Variants in VPS13C observed in about 807,000 individuals in gnomAD.
The protein encoded by VPS13C is intermembrane lipid transfer protein VPS13C.
VPS13C carries 358 observed loss-of-function variants against 456.8 expected under a neutral mutation model. The observed-to-expected ratio is 0.78, with a 90% CI of 0.72 to 0.86. VPS13C has a LOEUF of 0.86. Among genes scored for constraint, VPS13C ranks in the 40% least tolerant of loss-of-function variants. The probability of loss-of-function intolerance (pLI) is 0.00; values close to 1 mark genes in which losing one functional copy is unlikely to be tolerated. For missense variants in VPS13C, 4,818 were observed against 4,385.4 expected, an observed-to-expected ratio of 1.10 and a Z score of -2.79; for synonymous variants, 1,578 against 1,486.7, an observed-to-expected ratio of 1.06 and a Z score of -1.41.
intron 14 of VPS13C, among the ~76,000 whole-genome samples, 161 bp from the exon 15 acceptor site, chr15:62,007,640 T>C (rs1193130428): frequency 6.6e-6 from 1 of 152,184 alleles, no homozygotes; most frequent in Non-Finnish European, 1.5e-5. Flanking sequence ...CTGACTTAAA[T>C]AGACTTAGAT....
chr15:61,887,023 C>T (rs184817689), intron 67 of VPS13C, among the ~76,000 whole-genome samples: 1 of 152,236 alleles, frequency 6.6e-6, no homozygotes, highest in African/African-American at 2.4e-5. Context: ...CACTCTCAAC[C>T]ATTCCCACCT....
chr15:61,866,812 T>C (rs1894628237), intron 81 of VPS13C: 1 of 978,308 alleles, frequency 1.0e-6, no homozygotes, highest in African/African-American at 1.7e-5. Context: ...ATTATTTTGA[T>C]AACTGCAATC....
chr15:61,914,898 A>C (rs920617940), intron 61 of VPS13C, among the ~76,000 whole-genome samples: 4 of 146,906 alleles, frequency 2.7e-5, no homozygotes, highest in Non-Finnish European at 4.6e-5. Context: ...AAAAAAAAAA[A>C]AAAAAAAAAA....
At chr15:62,057,566 T>C (rs1026134935) in intron 1 of VPS13C, among the ~76,000 whole-genome samples, 1 of 152,160 alleles carries the variant, frequency 6.6e-6, no homozygotes, top group South Asian at 2.1e-4. Flanking sequence ...AGAGGCAGAG[T>C]TGTGAGCTGA....
chr15:61,926,288 T>C (rs2043846628), intron 52 of VPS13C, among the ~76,000 whole-genome samples: 1 of 152,178 alleles, frequency 6.6e-6, no homozygotes, highest in South Asian at 2.1e-4. Context: ...TAGTCCTAGC[T>C]ACTCAGGAGG....
Position 62,010,515 on chromosome 15 carries a change from T to C in VPS13C, c.968A>G (p.Asn323Ser). The C allele has an allele frequency of 1.2e-6, 2 of 1,613,492 alleles. No homozygotes were observed. Among genetic ancestry groups the C allele is most frequent in the South Asian group, 1.1e-5 (1 of 91,016 alleles). ...SELKTPKLDC[N>S]IEIQNIAIEL... Reference sequence around the variant, plus strand: ...AATGGCAATATTTTGTATTTCTATGTTGCAATCCAGTTTGGGCGTTTTGAG... The same window carrying C: ...AATGGCAATATTTTGTATTTCTATGCTGCAATCCAGTTTGGGCGTTTTGAG... Residue 323 changes from asparagine to serine, a missense_variant, in exon 13 of 85, where the codon AAC becomes AGC. Physicochemically the swap from Asn to Ser is conservative, Grantham distance 46. Transcript: ENST00000644861.
At chr15:61,921,875 T>C (rs2043667631) in intron 55 of VPS13C, 72 bp downstream of exon 55, 4 of 1,486,048 alleles carry the variant, frequency 2.7e-6, no homozygotes, top group Non-Finnish European at 3.7e-6. Flanking sequence ...ATCTTAAGAA[T>C]CACTGAAATA....
At position 61,927,156 on chromosome 15, in the gene VPS13C, C is replaced by T. The variant is rs796096256; in HGVS notation, c.6451G>A (p.Val2151Met). 9.3e-6 allele frequency: 15 copies of T among 1,614,074 alleles called. No individual in the cohort carries two copies. Among genetic ancestry groups the T allele is most frequent in the African/African-American group, 4.0e-5 (3 of 74,922 alleles). The change falls in exon 52 of 85, where the codon GTG (valine) becomes ATG (methionine). Residue 2151 changes from valine to methionine, a missense_variant. By Grantham distance (21) the Val-to-Met change is conservative. Transcript: ENST00000644861. ...CAAGCGAGCACTTTCAGATCTCTCA[C>T]AGAAGCTTCCATCATCTGTTCGAGT... is the stretch of plus-strand genomic sequence containing the variant. ...SKLEQMMEAS[V>M]RDLKVLACPF...
Position 61,890,358 on chromosome 15 carries a change from G to GT in VPS13C, c.9147dup (p.His3050ThrfsTer18). 1 of 1,614,004 alleles carries GT rather than the reference G, an allele frequency of 6.2e-7. No homozygotes were observed. The highest frequency in any genetic ancestry group is 8.5e-7 in the Non-Finnish European group (1 of 1,180,018). ...CGCCCATCCAGAAATGATACCCAGT[G>GT]TATCTGGATGTTTGCATCATATGGA... is the stretch of plus-strand genomic sequence containing the variant. On this transcript the variant is annotated frameshift_variant, in exon 67 of 85. Transcript: ENST00000644861. LOFTEE classifies it high-confidence loss of function.
intron 82 of VPS13C, among the ~76,000 whole-genome samples, chr15:61,860,930 A>C (rs931446314): frequency 6.9e-6 from 1 of 145,624 alleles, no homozygotes; most frequent in African/African-American, 2.5e-5. Context: ...ACTAGAACGC[A>C]TGTATGGTTA....
At chr15:61,995,596 T>C (rs1011399324) in intron 16 of VPS13C, among the ~76,000 whole-genome samples, 3 of 152,198 alleles carry the variant, frequency 2.0e-5, no homozygotes, top group Non-Finnish European at 2.9e-5. Context: ...TGGTTGTCTA[T>C]GTTGGGAAGC....
chr15:61,900,955 G>T (rs899694539), intron 66 of VPS13C, among the ~76,000 whole-genome samples: 10 of 151,962 alleles, frequency 6.6e-5, no homozygotes, highest in South Asian at 2.1e-4. Flanking sequence ...AAATAACGCC[G>T]CATTTCTACA....
In VPS13C at chr15:61,933,753, T is replaced by TA. The variant is rs1160673591; in HGVS notation, c.5868+465dup. On this transcript the variant is annotated intron_variant, in intron 49 of 84. Transcript: ENST00000644861. ...TTCTTTAATTAGTATCCTTAATACA[T>TA]AATCTACTACATATAACATTTATTC... 9.2e-5 allele frequency among the ~76,000 whole-genome samples: 14 copies of TA among 152,172 alleles called. No individual in the cohort carries two copies. In the South Asian group the frequency reaches 1.4e-3, roughly 16 times the overall value.
intron 18 of VPS13C, among the ~76,000 whole-genome samples, chr15:61,986,890 T>C (rs939151022): frequency 6.6e-6 from 1 of 151,958 alleles, no homozygotes; most frequent in African/African-American, 2.4e-5. Context: ...AAAAGTATCC[T>C]TCAAGAAATA....
chr15:61,868,893 C>T (rs1894792839), intron 80 of VPS13C, 120 bp from the exon 81 acceptor site: 5 of 822,222 alleles, frequency 6.1e-6, no homozygotes, highest in Non-Finnish European at 9.3e-6. Context: ...AATAGCTTTC[C>T]CCAAATAATG....
Position 61,880,837 on chromosome 15 carries a change from T to G in VPS13C, c.9888+6A>C. On this transcript the variant is annotated splice_donor_region_variant and intron_variant, in intron 72 of 84. Coordinates refer to ENST00000644861, the MANE Select transcript of VPS13C (RefSeq NM_020821.3). ...TATATTTTCCCCAAGAAATAAAAAT[T>G]TTTACCCGTCTTCTTTCAGCTTCAG... 2.5e-6 allele frequency: 4 copies of G among 1,582,306 alleles called. No individual in the cohort carries two copies. Among genetic ancestry groups the G allele is most frequent in the Non-Finnish European group, 3.4e-6 (4 of 1,171,116 alleles).
chr15:61,856,645 G>A (rs1026481347), intron 82 of VPS13C: 18 of 308,424 alleles, frequency 5.8e-5, no homozygotes, highest in Non-Finnish European at 3.5e-5. Context: ...TGTCAATCTT[G>A]CAGAATTCAG....
chr15:61,917,343 C>G lies in VPS13C; in HGVS notation c.8053G>C (p.Glu2685Gln). The G allele has an allele frequency of 6.2e-7, 1 of 1,610,908 alleles. No individual in the cohort carries two copies. Among genetic ancestry groups the G allele is most frequent in the Non-Finnish European group, 8.5e-7 (1 of 1,177,522 alleles). The change falls in exon 60 of 85, where the codon GAG (glutamate) becomes CAG (glutamine). Residue 2685 changes from glutamate to glutamine, a missense_variant and splice_region_variant. Physicochemically the swap from Glu to Gln is conservative, Grantham distance 29. This residue lies in a region of VPS13C where 4,552 missense variants were observed against 4,130.6 expected (regional missense o/e 1.10). Coordinates refer to ENST00000644861, the MANE Select transcript of VPS13C (RefSeq NM_020821.3). ...CAAACAAAATGCAAGAGACATACCT[C>G]AAGTAAATATCTTAGGGAATATGGG... ...LLPYSLRYLL[E>Q]GTAETHELAE... is the part of the protein sequence containing the mutation.
intron 63 of VPS13C, 103 bp downstream of exon 63, chr15:61,911,737 C>A (rs1033244366): frequency 6.3e-6 from 7 of 1,115,982 alleles, no homozygotes; most frequent in East Asian, 3.0e-5. Context: ...TATTTCAACA[C>A]ATAAATATGA....
Sources: allele counts gnomAD v4.1 joint callset (sites outside exome capture counted in the v4.1 genomes callset), GRCh38; gene constraint gnomAD v4.1.1; regional missense constraint gnomAD v4.1.1; transcripts MANE v1.5; gene names NCBI Gene and HGNC (gene_info 2026-07-23, HGNC 2026-07-21).